Variants in FBXL13 observed in about 807,000 individuals in gnomAD.
FBXL13 encodes F-box and leucine-rich repeat protein 13.
FBXL13 carries 67 observed loss-of-function variants against 83.6 expected under a neutral mutation model. The observed-to-expected ratio is 0.80, with a 90% confidence interval of 0.66 to 0.98. The LOEUF (loss-of-function observed/expected upper bound fraction) is 0.98, where lower values mean the gene tolerates loss of function less well. Among genes scored for constraint, FBXL13 ranks in the 50% least tolerant of loss-of-function variants. The probability of loss-of-function intolerance (pLI) is 0.00; values close to 1 mark genes in which losing one functional copy is unlikely to be tolerated. For missense variants in FBXL13, 822 were observed against 866.5 expected, an observed-to-expected ratio of 0.95 and a Z score of 0.64; for synonymous variants, 272 against 299.5, an observed-to-expected ratio of 0.91 and a Z score of 0.95.
At chr7:102,927,660 T>C (rs560179959) in intron 9 of FBXL13, among the ~76,000 whole-genome samples, 1 of 152,268 alleles carries the variant, frequency 6.6e-6, no homozygotes, top group South Asian at 2.1e-4. Flanking sequence ...ATAGGGAAGG[T>C]TCTATGCACC....
intron 8 of FBXL13, among the ~76,000 whole-genome samples, chr7:102,946,866 G>C (rs1004567039): frequency 3.3e-5 from 5 of 151,702 alleles, no homozygotes; most frequent in African/African-American, 1.2e-4. Flanking sequence ...GTAGAGACGG[G>C]GGTTTTGCCA....
At chr7:103,064,656 T>G (rs2129501760) in intron 1 of FBXL13, among the ~76,000 whole-genome samples, 1 of 152,342 alleles carries the variant, frequency 6.6e-6, no homozygotes, top group Middle Eastern at 3.4e-3. Context: ...TCCTCCATGT[T>G]CTTTTTGCAA....
exon 6 of FBXL13, chr7:103,025,193 T>C (rs1328847148): frequency 6.3e-7 from 1 of 1,581,566 alleles, no homozygotes; most frequent in South Asian, 1.1e-5. Context: ...TATTAACCTA[T>C]TTTTCCATTT....
chr7:102,830,816 G>A (rs1800532794), intron 18 of FBXL13, among the ~76,000 whole-genome samples: 1 of 152,078 alleles, frequency 6.6e-6, no homozygotes, highest in African/African-American at 2.4e-5. Context: ...AATTTCTGAG[G>A]ATTTTCAAAA....
At chr7:102,917,424 A>G (rs1816121090) in intron 10 of FBXL13, among the ~76,000 whole-genome samples, 1 of 152,236 alleles carries the variant, frequency 6.6e-6, no homozygotes, top group African/African-American at 2.4e-5. Flanking sequence ...CACCTTGCAC[A>G]TACTAGTTGA....
intron 16 of FBXL13, among the ~76,000 whole-genome samples, chr7:102,867,553 G>A (rs186770044): frequency 1.3e-5 from 2 of 151,146 alleles, no homozygotes; most frequent in African/African-American, 4.9e-5. Flanking sequence ...CTGGAAGCAG[G>A]GCTGCAGGGG....
At chr7:102,811,676 C>T (rs1584384191), downstream of FBXL13, among the ~76,000 whole-genome samples, 1 of 152,146 alleles carries the variant, frequency 6.6e-6, no homozygotes, top group East Asian at 1.9e-4. Flanking sequence ...TTATAAGTTC[C>T]ACCAGTTGTG....
chr7:102,984,839 TTAAA>T (rs1290113393), intron 6 of FBXL13, among the ~76,000 whole-genome samples: 1 of 152,322 alleles, frequency 6.6e-6, no homozygotes, highest in East Asian at 1.9e-4. Context: ...GGTTGCTGCC[TTAAA>T]TAAAGGATGC....
At chr7:102,939,977 C>G (rs530458160) in intron 8 of FBXL13, among the ~76,000 whole-genome samples, 8 of 151,580 alleles carry the variant, frequency 5.3e-5, no homozygotes, top group Non-Finnish European at 1.0e-4. Context: ...TCACTGCAAC[C>G]TCTGCCTCTT....
intron 11 of FBXL13, among the ~76,000 whole-genome samples, chr7:102,911,380 C>T (rs890979425): frequency 5.3e-5 from 8 of 152,002 alleles, no homozygotes; most frequent in African/African-American, 1.2e-4. Flanking sequence ...AGCACAACGG[C>T]GAGTTAGAAA....
intron 8 of FBXL13, among the ~76,000 whole-genome samples, chr7:102,953,469 TA>T (rs1823747635): frequency 6.6e-6 from 1 of 152,202 alleles, no homozygotes; most frequent in African/African-American, 2.4e-5. Context: ...CACCCTTTTA[TA>T]ATAAGAACAC....
intron 2 of FBXL13, among the ~76,000 whole-genome samples, chr7:103,049,840 G>A (rs569898260): frequency 3.9e-4 from 59 of 152,312 alleles, no homozygotes; most frequent in African/African-American, 1.3e-3. Context: ...GGTGCTCTGA[G>A]AAAGGAAAAT....
At chr7:103,070,335 G>A (rs1347876507) in intron 1 of FBXL13, among the ~76,000 whole-genome samples, 4 of 151,872 alleles carry the variant, frequency 2.6e-5, no homozygotes, top group East Asian at 1.9e-4. Flanking sequence ...GGGTTCAAGC[G>A]ATTCTCATGC....
At chr7:102,901,802 T>C (rs909078934) in intron 11 of FBXL13, among the ~76,000 whole-genome samples, 2 of 152,232 alleles carry the variant, frequency 1.3e-5, no homozygotes, top group Non-Finnish European at 2.9e-5. Context: ...GCATTGTCTA[T>C]ATGTACCACA....
intron 8 of FBXL13, among the ~76,000 whole-genome samples, chr7:102,947,049 A>T (rs1822646171): frequency 6.6e-6 from 1 of 152,220 alleles, no homozygotes; most frequent in South Asian, 2.1e-4. Context: ...TTACTTCTCC[A>T]TGCAAATCCC....
intron 6 of FBXL13, among the ~76,000 whole-genome samples, chr7:102,984,010 T>C (rs749906356): frequency 6.6e-6 from 1 of 152,166 alleles, no homozygotes; most frequent in Non-Finnish European, 1.5e-5. Context: ...CTAATTATAT[T>C]CATGTGATTT....
chr7:102,992,126 C>T (rs1327133332), intron 6 of FBXL13, among the ~76,000 whole-genome samples: 1 of 152,124 alleles, frequency 6.6e-6, no homozygotes, highest in Non-Finnish European at 1.5e-5. Flanking sequence ...ACCCCCTTGA[C>T]CCACCCAAGG....
intron 16 of FBXL13, among the ~76,000 whole-genome samples, chr7:102,861,716 T>C (rs1806861914): frequency 6.6e-6 from 1 of 152,240 alleles, no homozygotes; most frequent in African/African-American, 2.4e-5. Context: ...GCGCGGTGGC[T>C]CATGCCTGTA....
intron 11 of FBXL13, among the ~76,000 whole-genome samples, chr7:102,902,916 C>T (rs904156198): frequency 3.3e-5 from 5 of 150,984 alleles, no homozygotes; most frequent in Non-Finnish European, 7.4e-5. Context: ...GGTCTTTAGT[C>T]GTTCCATATA....
Sources: allele counts gnomAD v4.1 joint callset (sites outside exome capture counted in the v4.1 genomes callset), GRCh38; gene constraint gnomAD v4.1.1; transcripts MANE v1.5; gene names NCBI Gene and HGNC (gene_info 2026-07-23, HGNC 2026-07-21).